Variants in KIAA1549 observed in about 807,000 individuals in gnomAD.
The protein encoded by KIAA1549 is UPF0606 protein KIAA1549.
In KIAA1549, 70 loss-of-function variants were observed where a neutral mutation model predicts 156.4. The ratio of observed to expected loss-of-function variants is 0.45; its 90% CI spans 0.37 to 0.55. The LOEUF (loss-of-function observed/expected upper bound fraction) is 0.55. Among genes scored for constraint, KIAA1549 ranks in the 20% least tolerant of loss-of-function variants. KIAA1549 has a pLI of 0.00. For synonymous variants in KIAA1549, 1,103 were observed against 1,066.4 expected (o/e 1.03, Z -0.67); for missense variants, 2,428 against 2,540.9 (o/e 0.96, Z 0.96).
chr7:138,919,499 T>G (rs1554422036), intron 1 of KIAA1549, 61 bp from the exon 2 acceptor site: 2 of 1,548,584 alleles, frequency 1.3e-6, no homozygotes, highest in African/African-American at 2.8e-5. Context: ...GCTAACGTTT[T>G]GTTTCAGGCA....
chr7:138,957,935 T>C (rs1327356181), intron 1 of KIAA1549, among the ~76,000 whole-genome samples: 1 of 152,214 alleles, frequency 6.6e-6, no homozygotes, highest in Non-Finnish European at 1.5e-5. Context: ...GGGTGCATAC[T>C]CATGAGTCAG....
rs976893781 is a variant in KIAA1549 at position 138,917,149 on chromosome 7, G to A, written c.2477C>T (p.Ala826Val). The change falls in exon 2 of 20, where the codon GCC becomes GTC. Residue 826 changes from alanine (A) to valine (V), a missense_variant. Physicochemically the swap from Ala to Val is moderately conservative, Grantham distance 64 (BLOSUM62 0). Around this residue, in one of 5 missense-constraint regions of KIAA1549, gnomAD observed 762 missense variants for 901.6 expected, o/e 0.85. Coordinates refer to ENST00000422774, the MANE Select transcript of KIAA1549 (RefSeq NM_001164665.2). Reference protein sequence around the residue: ...SALDGHVSVLASFSKAIPTGT... With the variant: ...SALDGHVSVLVSFSKAIPTGT... ...AGTGGGAATGGCTTTGGAGAAAGAG[G>A]CCAGGACAGACACGTGACCGTCTAG... The A allele has an allele frequency of 1.9e-6, 3 of 1,613,776 alleles. No homozygotes were observed. The South Asian group carries it at 3.3e-5, about 18-fold the overall frequency.
intron 1 of KIAA1549, among the ~76,000 whole-genome samples, chr7:138,962,723 C>G (rs1163767281): frequency 1.3e-5 from 2 of 152,120 alleles, no homozygotes; most frequent in East Asian, 3.9e-4. Context: ...ATTATCCATC[C>G]GAGACCTGTC....
At position 138,831,600 on chromosome 7, in the gene KIAA1549, C is replaced by A. The variant is rs1584973327; in HGVS notation, c.*6306G>T. The A allele has an allele frequency of 1.3e-5, 3 of 228,500 alleles. No individual in the cohort carries two copies. The East Asian group carries it at 1.9e-4, about 14-fold the overall frequency. 14.2% of individuals were successfully genotyped at this position (228,500 alleles called of 1,614,324 possible). ...GTATACCCATACTGAGATTTCAGTGCCTGTTTGAGGACCAGCAAACCATGA... is the reference window on the plus strand; with the variant it reads ...GTATACCCATACTGAGATTTCAGTGACTGTTTGAGGACCAGCAAACCATGA... On this transcript the variant is annotated 3_prime_UTR_variant, in exon 20 of 20. Transcript: ENST00000422774.
At chr7:138,926,276 T>G (rs1327224690) in intron 1 of KIAA1549, among the ~76,000 whole-genome samples, 2 of 150,880 alleles carry the variant, frequency 1.3e-5, no homozygotes, top group Non-Finnish European at 3.0e-5. Context: ...AGCAACTTTT[T>G]CCTTTTTCTT....
chr7:138,949,802 C>G (rs192991005), intron 1 of KIAA1549, among the ~76,000 whole-genome samples: 2 of 152,346 alleles, frequency 1.3e-5, no homozygotes, highest in East Asian at 3.9e-4. Flanking sequence ...GCCAGACTCT[C>G]AGAGACCCAC....
In KIAA1549 at chr7:138,917,227, G is replaced by C. The variant is rs1812357965; in HGVS notation, c.2399C>G (p.Thr800Ser). The C allele has an allele frequency of 6.2e-7, 1 of 1,613,908 alleles. No individual in the cohort carries two copies. Among genetic ancestry groups the C allele is most frequent in the Non-Finnish European group, 8.5e-7 (1 of 1,179,920 alleles). Residue 800 changes from threonine (T) to serine (S), a missense_variant, in exon 2 of 20, where the codon ACT (threonine) becomes AGT (serine). Thr to Ser is a moderately conservative substitution (Grantham distance 58). Transcript: ENST00000422774. ...LTTVHTTPILTESSLFSTLTP... is the reference protein window; with the variant it reads ...LTTVHTTPILSESSLFSTLTP... ...CAGAGTTGAGAACAAAGAAGACTCAGTTAAAATGGGCGTTGTGTGGACAGT... is the reference window on the plus strand; with the variant it reads ...CAGAGTTGAGAACAAAGAAGACTCACTTAAAATGGGCGTTGTGTGGACAGT...
At chr7:138,888,950 A>G (rs1159803473) in intron 10 of KIAA1549, among the ~76,000 whole-genome samples, 1 of 152,180 alleles carries the variant, frequency 6.6e-6, no homozygotes, top group Non-Finnish European at 1.5e-5. Context: ...GCGATTTCCA[A>G]TTTTATGGGG....
At chr7:138,869,310 C>T (rs955626520) in intron 14 of KIAA1549, among the ~76,000 whole-genome samples, 6 of 152,246 alleles carry the variant, frequency 3.9e-5, no homozygotes, top group Admixed American at 6.5e-5. Context: ...ACAAAGCCAA[C>T]GCCTCCCACA....
intron 1 of KIAA1549, among the ~76,000 whole-genome samples, chr7:138,931,825 G>A (rs914572567): frequency 7.9e-5 from 12 of 151,026 alleles, no homozygotes; most frequent in Non-Finnish European, 1.6e-4. Flanking sequence ...GTTATTGTTT[G>A]AGATTCACGT....
chr7:138,903,804 T>A (rs1464032461), intron 7 of KIAA1549, 68 bp from the exon 8 acceptor site: 1 of 75,182 alleles, frequency 1.3e-5, no homozygotes, highest in Admixed American at 1.7e-4. Flanking sequence ...TGTGTGTGTG[T>A]GTGTGTGTGT....
At chr7:138,978,587 G>A (rs1364158817) in intron 1 of KIAA1549, among the ~76,000 whole-genome samples, 1 of 152,174 alleles carries the variant, frequency 6.6e-6, no homozygotes, top group Non-Finnish European at 1.5e-5. Flanking sequence ...GGGACCACCT[G>A]GAAGGTGGAC....
intron 1 of KIAA1549, among the ~76,000 whole-genome samples, chr7:138,941,098 TA>T (rs1382996219): frequency 2.6e-5 from 4 of 152,054 alleles, no homozygotes; most frequent in African/African-American, 9.7e-5. Flanking sequence ...AAAAATAATT[TA>T]AAAAGATGTT....
At chr7:138,840,037 G>A (rs536790984) in intron 19 of KIAA1549, 96 bp downstream of exon 19, 18 of 1,094,962 alleles carry the variant, frequency 1.6e-5, no homozygotes, top group South Asian at 1.4e-4. Context: ...TGATCCGCCC[G>A]CCTCGGCCTC....
chr7:138,958,739 C>T (rs1041462071), intron 1 of KIAA1549, among the ~76,000 whole-genome samples: 1 of 152,100 alleles, frequency 6.6e-6, no homozygotes, highest in South Asian at 2.1e-4. Flanking sequence ...GAACAGTAGA[C>T]GGCAATACTT....
At position 138,918,375 on chromosome 7, in the gene KIAA1549, T is replaced by C; in HGVS notation, c.1251A>G (p.Pro417=). 1 of 1,613,970 alleles carries C rather than the reference T, an allele frequency of 6.2e-7. No individual in the cohort carries two copies. The highest frequency in any genetic ancestry group is 8.5e-7 in the Non-Finnish European group (1 of 1,179,888). ...HILSPVSSFR[P]YTWCAACTVP... is the part of the protein sequence containing the mutation. The stretch of plus-strand genomic sequence containing the variant: ...CAGTGCAGGCCGCACACCAAGTGTA[T>C]GGTCTGAATGAGGACACCGGGCTCA... The change falls in exon 2 of 20, where the codon CCA becomes CCG. Residue 417 remains proline (P), a synonymous_variant. Transcript: ENST00000422774. The surrounding 1 kb of genome is among the most constrained non-coding windows in gnomAD (Gnocchi z 4.2).
chr7:138,912,365 G>A lies in KIAA1549; in HGVS notation c.2967+7C>T, dbSNP rs1455876138. ...AGACATCACACTCCTGAGCCACCAG[G>A]ACTCACCTTCAGTTCCACTGCACGG... On this transcript the variant is annotated splice_region_variant and intron_variant, in intron 3 of 19. Transcript: ENST00000422774. 2 of 1,611,318 alleles carry A rather than the reference G, an allele frequency of 1.2e-6. No homozygotes were observed. The highest frequency in any genetic ancestry group is 1.7e-5 in the Admixed American group (1 of 60,024).
chr7:138,966,993 G>C (rs777734168), intron 1 of KIAA1549, among the ~76,000 whole-genome samples: 17 of 152,030 alleles, frequency 1.1e-4, no homozygotes, highest in Non-Finnish European at 2.1e-4. Flanking sequence ...TTTCAACGAG[G>C]CTCCCTAAAC....
rs200400544 is a variant in KIAA1549 at position 138,917,026 on chromosome 7, C to A, written c.2600G>T (p.Gly867Val). The change falls in exon 2 of 20, where the codon GGC (glycine) becomes GTC (valine). Residue 867 changes from glycine (G) to valine (V), a missense_variant. Transcript: ENST00000422774. ...CACCTCTGTGGGTGTGAGTGATGGG[C>A]CCACGACGGTCAGCTCTGTGGGCAG... ...FPLPTELTVV[G>V]PSLTPTEVPL... 74 of 1,604,842 alleles carry A rather than the reference C, an allele frequency of 4.6e-5. No individual in the cohort carries two copies. The highest frequency in any genetic ancestry group is 3.3e-4 in the Middle Eastern group (2 of 6,034).
Sources: gnomAD v4.1 joint callset for allele counts (sites outside exome capture counted in the v4.1 genomes callset) on GRCh38, gnomAD v4.1.1 for gene constraint, gnomAD v4.1.1 regional missense constraint, Gnocchi (gnomAD v3.1) non-coding constraint, MANE v1.5 for transcripts, NCBI Gene and HGNC (gene_info 2026-07-23, HGNC 2026-07-21) for gene names.